Variants in CFH observed in about 807,000 individuals in gnomAD.
CFH encodes the protein H factor 1 (complement).
A neutral mutation model predicts 147.3 loss-of-function variants in CFH; 53 were observed. The ratio of observed to expected loss-of-function variants is 0.36; its 90% CI spans 0.29 to 0.45. The LOEUF is 0.45. CFH is among the 20% of genes least tolerant of loss of function. CFH has a pLI of 1.00. For synonymous variants in CFH, 536 were observed against 489.4 expected (o/e 1.10, Z -1.26); for missense variants, 1,380 against 1,498.0 (o/e 0.92, Z 1.30).
chr1:196,658,322 A>G (rs1666777492), intron 1 of CFH, among the ~76,000 whole-genome samples: 1 of 151,504 alleles, frequency 6.6e-6, no homozygotes, highest in African/African-American at 2.4e-5. Context: ...ATCATGGCTC[A>G]CTGCAGCCTC....
chr1:196,705,334 T>G (rs957424834), intron 9 of CFH, among the ~76,000 whole-genome samples: 1 of 152,166 alleles, frequency 6.6e-6, no homozygotes, highest in Non-Finnish European at 1.5e-5. Flanking sequence ...AGAGAAGCTC[T>G]TGTCAGGGTG....
At chr1:196,684,196 T>A (rs959521309) in intron 6 of CFH, among the ~76,000 whole-genome samples, 2 of 151,972 alleles carry the variant, frequency 1.3e-5, no homozygotes, top group African/African-American at 4.8e-5. Context: ...GCCCCCTTTG[T>A]GTAAACAAAG....
intron 1 of CFH, among the ~76,000 whole-genome samples, chr1:196,655,264 G>A (rs907391915): frequency 6.6e-6 from 1 of 152,146 alleles, no homozygotes; most frequent in Non-Finnish European, 1.5e-5. Context: ...GTTTTCCCAG[G>A]TAGGACAGAT....
At chr1:196,685,326 T>A (rs1667790393) in intron 7 of CFH, 89 bp downstream of exon 7, 4 of 1,306,862 alleles carry the variant, frequency 3.1e-6, no homozygotes, top group African/African-American at 2.9e-5. Flanking sequence ...AACCAAATAT[T>A]TGTCTTATTG....
rs765626540 is a variant in CFH at position 196,673,462 on chromosome 1, G to T, written c.244+299G>T. 1.7e-4 allele frequency: 69 copies of T among 399,086 alleles called. No individual in the cohort carries two copies. The Admixed American group carries it at 2.7e-3, about 15-fold the overall frequency. 24.7% of individuals were successfully genotyped at this position (399,086 alleles called of 1,614,324 possible). A position where few individuals can be genotyped will look rare whatever the true frequency, so the allele number is the denominator to read the frequency against. On this transcript the variant is annotated intron_variant, in intron 2 of 21. Transcript: ENST00000367429. ...AGCAATTCTCCTGCCTCAACTTCCC[G>T]AGTAGCTGGGACTATAGGCACGTGC...
At position 196,710,318 on chromosome 1, in the gene CFH, C is replaced by T. The variant is rs184185618; in HGVS notation, c.1337-3417C>T. 3.6e-3 allele frequency among the ~76,000 whole-genome samples: 541 copies of T among 152,250 alleles called. 5 individuals are homozygous for T. Among genetic ancestry groups the T allele is most frequent in the African/African-American group, 0.012 (518 of 41,546 alleles). ...AAGCCTTTCTTTGCTGCAAACCCTACTGTCTCAGCGTATTGGTCTATTGCT... is the reference window on the plus strand; with the variant it reads ...AAGCCTTTCTTTGCTGCAAACCCTATTGTCTCAGCGTATTGGTCTATTGCT... On this transcript the variant is annotated intron_variant, in intron 9 of 21. Transcript: ENST00000367429.
At chr1:196,685,853 A>G (rs986238688) in intron 7 of CFH, among the ~76,000 whole-genome samples, 2 of 152,128 alleles carry the variant, frequency 1.3e-5, no homozygotes, top group Non-Finnish European at 2.9e-5. Flanking sequence ...AGAGGAAGCC[A>G]CAATACCATG....
chr1:196,657,693 T>G (rs561116317), intron 1 of CFH, among the ~76,000 whole-genome samples: 1 of 152,334 alleles, frequency 6.6e-6, no homozygotes, highest in East Asian at 1.9e-4. Context: ...TTTTGTTCAT[T>G]TGCTTTATTT....
At chr1:196,669,792 A>G (rs1386485413) in intron 1 of CFH, among the ~76,000 whole-genome samples, 1 of 152,214 alleles carries the variant, frequency 6.6e-6, no homozygotes, top group Non-Finnish European at 1.5e-5. Flanking sequence ...GGCACTACCT[A>G]ATGGAGCTGT....
Position 196,701,346 on chromosome 1 carries a change from G to T in CFH, c.1336+11107G>T, listed in dbSNP as rs754799698. 33 of 1,613,658 alleles carry T rather than the reference G, an allele frequency of 2.0e-5. No homozygotes were observed. The Admixed American group carries it at 3.7e-4, about 18-fold the overall frequency. ...TTACCCTCTGAACTTCTGATCGAAG[G>T]TCATCCCTCTCCAGCTTGAGTGGAT... is the stretch of plus-strand genomic sequence containing the variant. On this transcript the variant is annotated intron_variant, in intron 9 of 21. Transcript: ENST00000367429.
chr1:196,689,669 A>G, intron 8 of CFH, 55 bp downstream of exon 8: 2 of 1,575,570 alleles, frequency 1.3e-6, no homozygotes, highest in Non-Finnish European at 1.7e-6. Flanking sequence ...AAGATCGAAG[A>G]AAGGAGAGCA....
At position 196,677,867 on chromosome 1, in the gene CFH, C is replaced by T. The variant is rs559725896; in HGVS notation, c.619+200C>T. The T allele has an allele frequency of 4.5e-5, 25 of 559,276 alleles. No homozygotes were observed. In the African/African-American group the frequency reaches 4.5e-4, roughly 10 times the overall value. 34.6% of individuals were successfully genotyped at this position (559,276 alleles called of 1,614,324 possible). ...TTCAAAAAACTCCATGATTTACTTA[C>T]TCATCACTTTCATTTTATAATGGAA... On this transcript the variant is annotated intron_variant, in intron 5 of 21. Transcript: ENST00000367429.
chr1:196,729,085 T>G (rs543916762), intron 15 of CFH, among the ~76,000 whole-genome samples: 3 of 152,202 alleles, frequency 2.0e-5, no homozygotes, highest in Non-Finnish European at 2.9e-5. Flanking sequence ...TATTCCAGTC[T>G]TCTCATATTT....
intron 9 of CFH, among the ~76,000 whole-genome samples, chr1:196,697,050 C>T (rs1668296550): frequency 6.6e-6 from 1 of 152,164 alleles, no homozygotes; most frequent in South Asian, 2.1e-4. Flanking sequence ...ACCATAAAAA[C>T]CCTAGAAGAA....
intron 4 of CFH, among the ~76,000 whole-genome samples, chr1:196,676,752 A>G (rs1667471196): frequency 1.3e-5 from 2 of 152,240 alleles, no homozygotes; most frequent in South Asian, 4.1e-4. Context: ...ACTACAGAAA[A>G]TAATGGAAGA....
At chr1:196,720,747 A>C (rs1207330791) in intron 11 of CFH, among the ~76,000 whole-genome samples, 1 of 151,834 alleles carries the variant, frequency 6.6e-6, no homozygotes, top group African/African-American at 2.4e-5. Flanking sequence ...TGCTACTGTG[A>C]GTAGTGAGGC....
intron 7 of CFH, among the ~76,000 whole-genome samples, chr1:196,688,421 G>A (rs1667901204): frequency 6.6e-6 from 1 of 151,874 alleles, no homozygotes; most frequent in Non-Finnish European, 1.5e-5. Flanking sequence ...TTAACTATTT[G>A]GATATGAAGA....
chr1:196,657,573 T>G (rs1666747185), intron 1 of CFH, among the ~76,000 whole-genome samples: 1 of 152,176 alleles, frequency 6.6e-6, no homozygotes, highest in Non-Finnish European at 1.5e-5. Context: ...GGAATATATA[T>G]CCCCTGTGTA....
At chr1:196,730,689 C>G (rs1034743768) in intron 15 of CFH, among the ~76,000 whole-genome samples, 3 of 151,776 alleles carry the variant, frequency 2.0e-5, no homozygotes, top group African/African-American at 7.2e-5. Context: ...ATATCCCCTA[C>G]TATTACTGTG....
Sources: gnomAD v4.1 joint callset for allele counts (sites outside exome capture counted in the v4.1 genomes callset) on GRCh38, gnomAD v4.1.1 for gene constraint, MANE v1.5 for transcripts, NCBI Gene and HGNC (gene_info 2026-07-23, HGNC 2026-07-21) for gene names.